Variants in NFIB observed in about 807,000 individuals in gnomAD.
The protein encoded by NFIB is nuclear factor I B, also known as nuclear factor 1 B-type.
NFIB carries 11 observed loss-of-function variants against 61.5 expected under a neutral mutation model. The ratio of observed to expected loss-of-function variants is 0.18; its 90% CI spans 0.11 to 0.30. The LOEUF (loss-of-function observed/expected upper bound fraction) is 0.30, where lower values mean the gene tolerates loss of function less well. NFIB is among the 10% of genes least tolerant of loss of function. NFIB has a pLI of 1.00. For missense variants in NFIB, 471 were observed against 608.9 expected, an observed-to-expected ratio of 0.77 and a Z score of 2.38; for synonymous variants, 260 against 216.5, an observed-to-expected ratio of 1.20 and a Z score of -1.76.
chr9:14,427,101 C>A, the NFIB span, among the ~76,000 whole-genome samples: 1 of 152,156 alleles, frequency 6.6e-6, no homozygotes, highest in Non-Finnish European at 1.5e-5. Context: ...GTACTCTTAT[C>A]ATACTTGTAG....
intron 3 of NFIB, among the ~76,000 whole-genome samples, chr9:14,165,549 T>C (rs1466645189): frequency 6.6e-6 from 1 of 152,036 alleles, no homozygotes; most frequent in Non-Finnish European, 1.5e-5. Flanking sequence ...ATGCTGAAAA[T>C]GTACTTGACA....
At chr9:14,121,896 G>A (rs1019042536) in intron 7 of NFIB, among the ~76,000 whole-genome samples, 2 of 152,170 alleles carry the variant, frequency 1.3e-5, no homozygotes, top group Admixed American at 1.3e-4. Flanking sequence ...TCTTAAGTTT[G>A]AAAGATGGAG....
At chr9:14,291,756 C>T (rs1051139312) in intron 2 of NFIB, among the ~76,000 whole-genome samples, 3 of 151,936 alleles carry the variant, frequency 2.0e-5, no homozygotes, top group Non-Finnish European at 4.4e-5. Flanking sequence ...TCTAACAGCT[C>T]CTCATAACTA....
chr9:14,405,690 T>C, the NFIB span, among the ~76,000 whole-genome samples: 291 of 152,076 alleles, frequency 1.9e-3, 2 homozygotes, highest in African/African-American at 6.9e-3. Context: ...AAACTAGAGG[T>C]GTTGAAAAGT....
chr9:14,096,604 T>C (rs1225142540), intron 10 of NFIB: 2 of 152,186 alleles, frequency 1.3e-5, no homozygotes, highest in South Asian at 2.1e-4. Flanking sequence ...CTATGGTCCA[T>C]TGTTCCCCCA....
the NFIB span, among the ~76,000 whole-genome samples, chr9:14,450,748 T>C: frequency 6.6e-6 from 1 of 152,160 alleles, no homozygotes; most frequent in Non-Finnish European, 1.5e-5. Context: ...CTTTTATAAG[T>C]GGCAAAAACT....
Position 14,113,023 on chromosome 9 carries a change from G to T in NFIB, c.1443C>A (p.Asp481Glu). The T allele has an allele frequency of 2.6e-6, 4 of 1,550,336 alleles. No individual in the cohort carries two copies. The highest frequency in any genetic ancestry group is 2.0e-5 in the Admixed American group (1 of 50,986). Residue 481 changes from aspartate (D) to glutamate (E), a missense_variant, in exon 10 of 11, where the codon GAC (aspartate) becomes GAA (glutamate). This residue lies in a region of NFIB where 372 missense variants were observed against 395.6 expected (regional missense o/e 0.94). Transcript: ENST00000380953. The part of the protein sequence containing the change: ...ANRYVGLSPR[D>E]PSFLHQQQSW... The stretch of plus-strand genomic sequence containing the variant: ...CCTGTTGCTGATGTAGGAAGGATGG[G>T]TCTCTTGGGCTTAGTCCCACATATC...
intron 2 of NFIB, among the ~76,000 whole-genome samples, chr9:14,279,130 A>G (rs920768360): frequency 5.3e-5 from 8 of 152,164 alleles, no homozygotes; most frequent in African/African-American, 1.9e-4. Flanking sequence ...CACGTTATCA[A>G]AATTTATCCT....
chr9:14,204,752 C>T (rs184837696), intron 2 of NFIB: 183 of 544,450 alleles, frequency 3.4e-4, no homozygotes, highest in Middle Eastern at 5.3e-4. Flanking sequence ...GGTTGTGTTC[C>T]TGCCTGCCCT....
chr9:14,123,986 C>T (rs989757721), intron 7 of NFIB, among the ~76,000 whole-genome samples: 1 of 152,174 alleles, frequency 6.6e-6, no homozygotes, highest in African/African-American at 2.4e-5. Context: ...AAACCTTCTT[C>T]AGGTTATCTA....
intron 1 of NFIB, among the ~76,000 whole-genome samples, chr9:14,387,558 T>C (rs1364400575): frequency 6.6e-6 from 1 of 152,090 alleles, no homozygotes; most frequent in Non-Finnish European, 1.5e-5. Context: ...GAGCAAAGGA[T>C]AGAAATTGAG....
At chr9:14,411,011 C>T in the NFIB span, among the ~76,000 whole-genome samples, 1 of 152,090 alleles carries the variant, frequency 6.6e-6, no homozygotes. Context: ...CAATTTTTAC[C>T]AAACCCCACA....
intron 1 of NFIB, among the ~76,000 whole-genome samples, chr9:14,338,217 A>AC (rs1483641572): frequency 2.6e-5 from 4 of 151,958 alleles, no homozygotes; most frequent in Non-Finnish European, 4.4e-5. Flanking sequence ...ACACGGTGAA[A>AC]CCCCATCTCT....
the NFIB span, among the ~76,000 whole-genome samples, chr9:14,501,516 G>A: frequency 6.6e-6 from 1 of 152,004 alleles, no homozygotes; most frequent in East Asian, 1.9e-4. Context: ...CTGTAAAATT[G>A]GCCCTTCCTA....
the NFIB span, among the ~76,000 whole-genome samples, chr9:14,448,202 T>C: frequency 3.9e-5 from 6 of 152,320 alleles, no homozygotes; most frequent in East Asian, 5.8e-4. Flanking sequence ...ACTGAGCTCA[T>C]TGTACACAAA....
At chr9:14,091,192 C>A (rs1251220198) in intron 10 of NFIB, among the ~76,000 whole-genome samples, 1 of 151,446 alleles carries the variant, frequency 6.6e-6, no homozygotes, top group East Asian at 1.9e-4. Flanking sequence ...TCTCTTATTG[C>A]CAATTTAAGT....
At chr9:14,431,210 G>T in the NFIB span, among the ~76,000 whole-genome samples, 1 of 152,120 alleles carries the variant, frequency 6.6e-6, no homozygotes, top group Admixed American at 6.5e-5. Context: ...ACTCTTTGTT[G>T]ATGAAAACAA....
chr9:14,199,065 G>A (rs1012472263), intron 2 of NFIB, among the ~76,000 whole-genome samples: 13 of 152,238 alleles, frequency 8.5e-5, no homozygotes, highest in African/African-American at 2.7e-4. Flanking sequence ...TTTGGGTTCT[G>A]TTGCTTTATC....
chr9:14,409,705 A>G, the NFIB span, among the ~76,000 whole-genome samples: 1 of 152,216 alleles, frequency 6.6e-6, no homozygotes, highest in Non-Finnish European at 1.5e-5. Context: ...CTACTCCAAC[A>G]ACATAGTTGG....
Sources: allele counts gnomAD v4.1 joint callset (sites outside exome capture counted in the v4.1 genomes callset), GRCh38; gene constraint gnomAD v4.1.1; regional missense constraint gnomAD v4.1.1; transcripts MANE v1.5; gene names NCBI Gene and HGNC (gene_info 2026-07-23, HGNC 2026-07-21).